Variants in ZSWIM6 observed in about 807,000 individuals in gnomAD.
ZSWIM6 encodes zinc finger SWIM-type containing 6, also known as zinc finger SWIM domain-containing protein 6.
In ZSWIM6, 9 loss-of-function variants were observed where a neutral mutation model predicts 113.2. That is an observed-to-expected ratio of 0.08 (90% confidence interval 0.05 to 0.14). ZSWIM6 has a LOEUF of 0.14. Ranked by LOEUF, ZSWIM6 falls within the 10% of genes least tolerant of loss-of-function variation. ZSWIM6 has a pLI of 1.00. For missense variants in ZSWIM6, 1,162 were observed against 1,552.2 expected (o/e 0.75, Z 4.22); for synonymous variants, 611 against 606.5 (o/e 1.01, Z -0.11).
intron 4 of ZSWIM6, among the ~76,000 whole-genome samples, chr5:61,517,143 A>T (rs1256821867): frequency 1.3e-5 from 2 of 151,802 alleles, no homozygotes; most frequent in Admixed American, 6.6e-5. Flanking sequence ...ATCTTATTTG[A>T]GGTTGGCTAA....
At chr5:61,361,516 G>A (rs1159355637) in intron 1 of ZSWIM6, among the ~76,000 whole-genome samples, 1 of 152,172 alleles carries the variant, frequency 6.6e-6, no homozygotes, top group African/African-American at 2.4e-5. Flanking sequence ...AAGAAAGTTA[G>A]CATCCCACTA....
chr5:61,420,749 G>A lies in ZSWIM6; in HGVS notation c.677-51932G>A, dbSNP rs146164913. The stretch of plus-strand genomic sequence containing the variant: ...ATATTTTGATACAGGCATGGAACAT[G>A]TAATAATCACATCAGGGTAAATGGC... On this transcript the variant is annotated intron_variant, in intron 1 of 13. Coordinates refer to ENST00000252744, the MANE Select transcript of ZSWIM6 (RefSeq NM_020928.2). Among the ~76,000 whole-genome samples, 1,360 of 152,254 alleles carry A rather than the reference G, an allele frequency of 8.9e-3. 6 individuals carry two copies. The highest frequency in any genetic ancestry group is 0.014 in the Non-Finnish European group (927 of 68,024).
chr5:61,443,378 C>T (rs748974976), intron 1 of ZSWIM6, among the ~76,000 whole-genome samples: 2 of 152,168 alleles, frequency 1.3e-5, no homozygotes, highest in Non-Finnish European at 2.9e-5. Context: ...GGAATACATA[C>T]TCATAACACA....
intron 1 of ZSWIM6, among the ~76,000 whole-genome samples, chr5:61,401,902 C>T (rs1745946201): frequency 6.6e-6 from 1 of 152,126 alleles, no homozygotes; most frequent in Non-Finnish European, 1.5e-5. Flanking sequence ...GTCTCCTCTC[C>T]CTGCTGTCAT....
At chr5:61,355,097 C>T (rs1490271968) in intron 1 of ZSWIM6, among the ~76,000 whole-genome samples, 4 of 152,086 alleles carry the variant, frequency 2.6e-5, no homozygotes, top group Non-Finnish European at 5.9e-5. Flanking sequence ...TTGTTTATCA[C>T]AATTCTACTA....
At chr5:61,506,467 C>T (rs533647758) in intron 4 of ZSWIM6, among the ~76,000 whole-genome samples, 5 of 151,914 alleles carry the variant, frequency 3.3e-5, no homozygotes, top group Non-Finnish European at 5.9e-5. Flanking sequence ...CTTGTAATCC[C>T]GGCTACTTGG....
chr5:61,334,162 T>G (rs1744335132), intron 1 of ZSWIM6, among the ~76,000 whole-genome samples: 1 of 152,278 alleles, frequency 6.6e-6, no homozygotes, highest in African/African-American at 2.4e-5. Flanking sequence ...TTCCTTTCTC[T>G]GACAGATCCT....
At chr5:61,470,700 A>C (rs1747548244) in intron 1 of ZSWIM6, among the ~76,000 whole-genome samples, 1 of 152,218 alleles carries the variant, frequency 6.6e-6, no homozygotes, top group Admixed American at 6.5e-5. Flanking sequence ...TTGTGAAAAA[A>C]AAACCAAAGA....
intron 12 of ZSWIM6, among the ~76,000 whole-genome samples, chr5:61,540,935 T>G (rs372267455): frequency 0.024 from 3,116 of 130,392 alleles, 54 homozygotes; most frequent in South Asian, 0.037. Flanking sequence ...TTTTTTTTTT[T>G]TTGTTGTTGT....
At position 61,402,231 on chromosome 5, in the gene ZSWIM6, A is replaced by G. The variant is rs1745952756; in HGVS notation, c.676+69283A>G. Among the ~76,000 whole-genome samples the G allele has an allele frequency of 2.0e-5, 3 of 152,224 alleles. No individual in the cohort carries two copies. In the South Asian group the frequency reaches 6.2e-4, roughly 32 times the overall value. ...AATAGAGCACACATTCTGTAGAATT[A>G]AAGAACCTTAGAAAAGATGACTATG... On this transcript the variant is annotated intron_variant, in intron 1 of 13. Transcript: ENST00000252744.
At chr5:61,408,949 C>T (rs765300455) in intron 1 of ZSWIM6, among the ~76,000 whole-genome samples, 22 of 150,400 alleles carry the variant, frequency 1.5e-4, no homozygotes, top group African/African-American at 3.2e-4. Flanking sequence ...ACTGATGGCG[C>T]GGGGGCGGGG....
chr5:61,384,714 T>C (rs1039483079), intron 1 of ZSWIM6, among the ~76,000 whole-genome samples: 28 of 152,136 alleles, frequency 1.8e-4, no homozygotes, highest in African/African-American at 6.8e-4. Context: ...GGACCATATG[T>C]AAATGGCCTT....
chr5:61,530,985 A>G (rs1486737722), intron 8 of ZSWIM6, among the ~76,000 whole-genome samples: 1 of 152,176 alleles, frequency 6.6e-6, no homozygotes, highest in African/African-American at 2.4e-5. Context: ...GAATGTTCAA[A>G]GAATCATTCC....
intron 3 of ZSWIM6, among the ~76,000 whole-genome samples, chr5:61,491,443 A>G (rs928612125): frequency 1.3e-5 from 2 of 152,050 alleles, no homozygotes; most frequent in African/African-American, 4.8e-5. Flanking sequence ...ATTATTTGTT[A>G]ATTTTCTCAT....
intron 1 of ZSWIM6, among the ~76,000 whole-genome samples, chr5:61,403,361 A>G (rs1387858935): frequency 6.6e-6 from 1 of 152,218 alleles, no homozygotes. Context: ...TTGTTTAGAA[A>G]AATTAAAATG....
At chr5:61,385,121 C>T (rs1030612490) in intron 1 of ZSWIM6, among the ~76,000 whole-genome samples, 4 of 152,168 alleles carry the variant, frequency 2.6e-5, no homozygotes, top group African/African-American at 9.7e-5. Context: ...TCTGTGCAGC[C>T]CCTTCCATCT....
intron 1 of ZSWIM6, among the ~76,000 whole-genome samples, chr5:61,368,649 T>C (rs1194427906): frequency 6.6e-6 from 1 of 152,202 alleles, no homozygotes; most frequent in Non-Finnish European, 1.5e-5. Context: ...CTATGGATTT[T>C]CTATTATGGG....
intron 1 of ZSWIM6, among the ~76,000 whole-genome samples, chr5:61,337,501 A>G (rs1392345522): frequency 6.6e-6 from 1 of 152,190 alleles, no homozygotes; most frequent in African/African-American, 2.4e-5. Flanking sequence ...GATGTTCTGT[A>G]TAGTGATGCT....
chr5:61,444,696 AT>A (rs1454086212), intron 1 of ZSWIM6, among the ~76,000 whole-genome samples: 7 of 152,298 alleles, frequency 4.6e-5, no homozygotes, highest in Non-Finnish European at 1.5e-5. Context: ...TTTGATATTA[AT>A]GTTTAATTTA....
Sources: gnomAD v4.1 joint callset for allele counts (sites outside exome capture counted in the v4.1 genomes callset) on GRCh38, gnomAD v4.1.1 for gene constraint, MANE v1.5 for transcripts, NCBI Gene and HGNC (gene_info 2026-07-23, HGNC 2026-07-21) for gene names.